The following TXNL4A variants were observed in gnomAD, a reference collection of about 807,000 sequenced individuals.
TXNL4A encodes the protein thioredoxin like 4A, also known as thioredoxin-like protein 4A.
TXNL4A carries 17 observed loss-of-function variants against 14.6 expected under a neutral mutation model. The ratio of observed to expected loss-of-function variants is 1.16; its 90% CI spans 0.80 to 1.74. The LOEUF (loss-of-function observed/expected upper bound fraction) is 1.74. Ranked by LOEUF, TXNL4A falls within the 40% of genes most tolerant of loss-of-function variation. The probability of loss-of-function intolerance (pLI) is 0.00; values close to 1 mark genes in which losing one functional copy is unlikely to be tolerated. For synonymous variants in TXNL4A, 83 were observed against 70.6 expected, an observed-to-expected ratio of 1.18 and a Z score of -0.88; for missense variants, 74 against 195.2, an observed-to-expected ratio of 0.38 and a Z score of 3.70.
rs2145090048 is a variant in TXNL4A at position 79,988,388 on chromosome 18, G to A, written c.5C>T (p.Ser2Leu). The change falls in exon 1 of 3, where the codon TCG becomes TTG. Residue 2 changes from serine (S) to leucine (L), a missense_variant. Transcript: ENST00000269601. MSYMLPHLHNGW... is the reference protein window; with the variant it reads MLYMLPHLHNGW... ...GTTGTGCAGGTGCGGGAGCATGTAC[G>A]ACATGGCGGCCCGCGCGCTCGCCGC... The A allele has an allele frequency of 3.4e-6, 5 of 1,481,066 alleles. No homozygotes were observed. The highest frequency in any genetic ancestry group is 3.6e-6 in the Non-Finnish European group (4 of 1,100,400). The allele number at this position is 1,481,066 out of a possible 1,614,324, so 91.7% of individuals were successfully genotyped here. A position where few individuals can be genotyped will look rare whatever the true frequency, so the allele number is the denominator to read the frequency against.
At chr18:80,006,256 C>A (rs537052447) in intron 1 of TXNL4A, among the ~76,000 whole-genome samples, 1 of 151,184 alleles carries the variant, frequency 6.6e-6, no homozygotes, top group Non-Finnish European at 1.5e-5. Context: ...TGGTGGCATG[C>A]GCCTGTAGTC....
At chr18:80,033,817 C>T (rs1267824610) in intron 1 of TXNL4A, 1 of 145,626 alleles carries the variant, frequency 6.9e-6, no homozygotes, top group Non-Finnish European at 1.5e-5. Flanking sequence ...CGCCCCGCCC[C>T]CGTTGCCGCC....
At chr18:80,027,491 T>A (rs931561552) in intron 1 of TXNL4A, among the ~76,000 whole-genome samples, 1 of 152,180 alleles carries the variant, frequency 6.6e-6, no homozygotes, top group Non-Finnish European at 1.5e-5. Flanking sequence ...GTGCCTTCTT[T>A]AGTATTCCTG....
At chr18:79,990,963 C>G (rs2051623620), upstream of TXNL4A, among the ~76,000 whole-genome samples, 2 of 151,968 alleles carry the variant, frequency 1.3e-5, no homozygotes, top group South Asian at 4.1e-4. Flanking sequence ...AAAAAATTAG[C>G]CGGGCGCGGT....
At chr18:80,008,976 C>G (rs2051751343) in intron 1 of TXNL4A, among the ~76,000 whole-genome samples, 1 of 151,674 alleles carries the variant, frequency 6.6e-6, no homozygotes, top group Non-Finnish European at 1.5e-5. Context: ...CAAGGTGTCA[C>G]CATATTGGCC....
At chr18:80,005,597 T>C (rs1468766886) in intron 1 of TXNL4A, among the ~76,000 whole-genome samples, 1 of 152,240 alleles carries the variant, frequency 6.6e-6, no homozygotes, top group African/African-American at 2.4e-5. Flanking sequence ...GGCTTCTCAG[T>C]GTTATTTGCT....
At chr18:80,020,591 T>C (rs1266312333) in intron 1 of TXNL4A, among the ~76,000 whole-genome samples, 2 of 152,162 alleles carry the variant, frequency 1.3e-5, no homozygotes, top group African/African-American at 4.8e-5. Context: ...CCCTTTCTTT[T>C]TGAGACATAA....
chr18:79,973,527 GCTTGTTTATTT>G lies in TXNL4A; in HGVS notation c.*147_*157del, dbSNP rs2051332043. 2 of 843,856 alleles carry G rather than the reference GCTTGTTTATTT, an allele frequency of 2.4e-6. No individual in the cohort carries two copies. Among genetic ancestry groups the G allele is most frequent in the African/African-American group, 3.5e-5 (2 of 57,718 alleles). 52.3% of individuals were successfully genotyped at this position (843,856 alleles called of 1,614,324 possible). A position where few individuals can be genotyped will look rare whatever the true frequency, so the allele number is the denominator to read the frequency against. On this transcript the variant is annotated 3_prime_UTR_variant, in exon 3 of 3. Transcript: ENST00000269601. ...AGTAGGCCTGCTCCTCTCACCACGT[GCTTGTTTATTT>G]CGGTGAGTTAAGACCATGTTATCAA...
At chr18:79,987,495 C>A (rs1030428052) in intron 1 of TXNL4A, among the ~76,000 whole-genome samples, 2 of 152,170 alleles carry the variant, frequency 1.3e-5, no homozygotes, top group African/African-American at 4.8e-5. Flanking sequence ...ATTTTATTAA[C>A]ACCCTAGTAT....
At chr18:80,013,908 G>A (rs1277747796) in intron 1 of TXNL4A, among the ~76,000 whole-genome samples, 1 of 152,224 alleles carries the variant, frequency 6.6e-6, no homozygotes, top group South Asian at 2.1e-4. Flanking sequence ...TAGCTGGGCA[G>A]ATCTCAGAAA....
rs2051293488 is a variant in TXNL4A at position 79,970,862 on chromosome 18, T to G, written c.*2823A>C. On this transcript the variant is annotated 3_prime_UTR_variant, in exon 3 of 3. Coordinates refer to ENST00000269601, the MANE Select transcript of TXNL4A (RefSeq NM_006701.5). The stretch of plus-strand genomic sequence containing the variant: ...TCTGGTAACGCCAGTAAAGCTGTTA[T>G]CCTAAGAGACATAATTCACACATCA... The G allele has an allele frequency of 5.7e-6, 1 of 176,488 alleles. No individual in the cohort carries two copies. Among genetic ancestry groups the G allele is most frequent in the Non-Finnish European group, 1.2e-5 (1 of 81,424 alleles). The allele number at this position is 176,488 out of a possible 1,614,324, so 10.9% of individuals were successfully genotyped here.
Position 79,982,421 on chromosome 18 carries a change from G to A in TXNL4A, c.154-4720C>T, listed in dbSNP as rs769844977. ...GCGACTGGCCTGGAGCTGTACAATG[G>A]AGTCTGGGCTGGAGAGAGCTACCTT... is the stretch of plus-strand genomic sequence containing the variant. On this transcript the variant is annotated intron_variant, in intron 1 of 2. Coordinates refer to ENST00000269601, the MANE Select transcript of TXNL4A (RefSeq NM_006701.5). The surrounding 1 kb of genome is among the most constrained non-coding windows in gnomAD (Gnocchi z 4.0). Among the ~76,000 whole-genome samples, 1 of 152,208 alleles carries A rather than the reference G, an allele frequency of 6.6e-6. No homozygotes were observed. Among genetic ancestry groups the A allele is most frequent in the South Asian group, 2.1e-4 (1 of 4,830 alleles).
At chr18:80,019,646 T>C (rs764642785) in intron 1 of TXNL4A, among the ~76,000 whole-genome samples, 1 of 152,212 alleles carries the variant, frequency 6.6e-6, no homozygotes, top group African/African-American at 2.4e-5. Flanking sequence ...AATTTTTCTA[T>C]AGTCTCTCCC....
intron 1 of TXNL4A, among the ~76,000 whole-genome samples, chr18:79,978,611 C>T (rs1214602523): frequency 2.7e-5 from 4 of 150,470 alleles, no homozygotes; most frequent in East Asian, 2.0e-4. Context: ...CTCCCATCTC[C>T]GCCTCCCAAG....
chr18:79,974,644 A>G, intron 2 of TXNL4A, among the ~76,000 whole-genome samples: 1 of 152,038 alleles, frequency 6.6e-6, no homozygotes, highest in Non-Finnish European at 1.5e-5. Context: ...ACACCCAGAT[A>G]AATTTCTAGT....
chr18:80,027,557 G>A (rs2051892950), intron 1 of TXNL4A, among the ~76,000 whole-genome samples: 1 of 152,188 alleles, frequency 6.6e-6, no homozygotes. Flanking sequence ...GGCAATATAT[G>A]TGGACGGTAA....
intron 1 of TXNL4A, among the ~76,000 whole-genome samples, chr18:80,032,046 G>T (rs1009288566): frequency 6.6e-5 from 10 of 152,234 alleles, no homozygotes; most frequent in Non-Finnish European, 1.5e-4. Context: ...TAATTCAGGA[G>T]GCAGTAATGT....
intron 1 of TXNL4A, among the ~76,000 whole-genome samples, chr18:80,026,771 A>G (rs1354226635): frequency 6.6e-6 from 1 of 152,086 alleles, no homozygotes; most frequent in Non-Finnish European, 1.5e-5. Flanking sequence ...GGCCCTTGTC[A>G]ATCTTTTGGG....
At chr18:79,996,789 A>T (rs1395971628) in intron 1 of TXNL4A, among the ~76,000 whole-genome samples, 1 of 152,166 alleles carries the variant, frequency 6.6e-6, no homozygotes, top group Non-Finnish European at 1.5e-5. Context: ...GTAAAAATAC[A>T]AAAATTAGCC....
Sources: gnomAD v4.1 joint callset for allele counts (sites outside exome capture counted in the v4.1 genomes callset) on GRCh38, gnomAD v4.1.1 for gene constraint, Gnocchi (gnomAD v3.1) non-coding constraint, MANE v1.5 for transcripts, NCBI Gene and HGNC (gene_info 2026-07-23, HGNC 2026-07-21) for gene names.